Variants in FILIP1 observed in about 807,000 individuals in gnomAD.
The protein encoded by FILIP1 is filamin-A-interacting protein 1.
Under a neutral mutation model 102.1 loss-of-function variants are expected in FILIP1, and 61 were observed. The ratio of observed to expected loss-of-function variants is 0.60; its 90% CI spans 0.49 to 0.74. FILIP1 has a LOEUF of 0.74. Ranked by LOEUF, FILIP1 falls within the 30% of genes least tolerant of loss-of-function variation. The pLI is 0.00. For synonymous variants in FILIP1, 491 were observed against 526.9 expected (o/e 0.93, Z 0.93); for missense variants, 1,314 against 1,441.2 (o/e 0.91, Z 1.43).
chr6:75,472,145 T>C (rs182199361), intron 1 of FILIP1, among the ~76,000 whole-genome samples: 139 of 152,240 alleles, frequency 9.1e-4, no homozygotes, highest in African/African-American at 3.2e-3. Flanking sequence ...TTTTCATTCA[T>C]ATTACTGGAA....
intron 3 of FILIP1, among the ~76,000 whole-genome samples, chr6:75,357,745 G>T (rs1775051307): frequency 6.6e-6 from 1 of 152,246 alleles, no homozygotes; most frequent in Admixed American, 6.5e-5. Context: ...CAAAAGATCA[G>T]CTGTACCAGA....
chr6:75,383,218 C>G (rs1775960240), intron 2 of FILIP1, among the ~76,000 whole-genome samples: 3 of 152,116 alleles, frequency 2.0e-5, no homozygotes, highest in Admixed American at 2.0e-4. Context: ...AGGTGAGTAA[C>G]AAGGTAAGAT....
chr6:75,490,510 G>A (rs990341793), intron 1 of FILIP1, among the ~76,000 whole-genome samples: 6 of 151,950 alleles, frequency 3.9e-5, no homozygotes, highest in African/African-American at 9.7e-5. Flanking sequence ...TCTAATTCAC[G>A]ATCCACAAAT....
At chr6:75,466,286 C>A (rs1335661755) in intron 1 of FILIP1, among the ~76,000 whole-genome samples, 2 of 152,024 alleles carry the variant, frequency 1.3e-5, no homozygotes, top group Non-Finnish European at 2.9e-5. Flanking sequence ...CAATATTTAC[C>A]CCATGCTCCA....
intron 1 of FILIP1, among the ~76,000 whole-genome samples, chr6:75,481,579 G>A (rs1004848435): frequency 1.3e-5 from 2 of 152,052 alleles, no homozygotes; most frequent in South Asian, 2.1e-4. Context: ...TCCTCTATCC[G>A]CCTGCCAGAA....
rs118176805 is a variant in FILIP1, at chr6:75,315,857, A to C, written c.630-655T>G. 9.1e-4 allele frequency among the ~76,000 whole-genome samples: 138 copies of C among 152,348 alleles called. 1 individual carries two copies. In the East Asian group the frequency reaches 0.021, roughly 23 times the overall value. On this transcript the variant is annotated intron_variant, in intron 4 of 5. Coordinates refer to ENST00000237172, the MANE Select transcript of FILIP1 (RefSeq NM_015687.5). Reference sequence around the variant, plus strand: ...AAATGATGGTAAAGGTTCAGAAAAGAAGCAGCTTTGGGTTTTCTTATTTTA... The same window carrying C: ...AAATGATGGTAAAGGTTCAGAAAAGCAGCAGCTTTGGGTTTTCTTATTTTA...
Position 75,362,872 on chromosome 6 carries a change from G to T in FILIP1, c.322C>A (p.Pro108Thr). 1 of 1,613,886 alleles carries T rather than the reference G, an allele frequency of 6.2e-7. No homozygotes were observed. ...CCGTAATGAGCCTCCAGAACCTCAG[G>T]CTTGGTTTTCTCTGTCTTCAGCATG... Reference protein sequence around the residue: ...IHMLKTEKTKPEVLEAHYGSA... With the variant: ...IHMLKTEKTKTEVLEAHYGSA... The change falls in exon 3 of 6, where the codon CCT (proline) becomes ACT (threonine). Residue 108 changes from proline (P) to threonine (T), a missense_variant. Transcript: ENST00000237172.
In FILIP1 at chr6:75,483,146, T is replaced by C. The variant is rs1265829279; in HGVS notation, c.-7+10268A>G. Among the ~76,000 whole-genome samples, 6 of 152,346 alleles carry C rather than the reference T, an allele frequency of 3.9e-5. No individual in the cohort carries two copies. The East Asian group carries it at 9.6e-4, about 24-fold the overall frequency. ...TCTAGGTGTGAAGAAGCCTGTTCCATAGAATTTCAAACTTACAGAATCAAT... is the reference window on the plus strand; with the variant it reads ...TCTAGGTGTGAAGAAGCCTGTTCCACAGAATTTCAAACTTACAGAATCAAT... On this transcript the variant is annotated intron_variant, in intron 1 of 5. Coordinates refer to ENST00000237172, the MANE Select transcript of FILIP1 (RefSeq NM_015687.5).
At chr6:75,415,640 G>A (rs984797979) in intron 1 of FILIP1, among the ~76,000 whole-genome samples, 3 of 151,368 alleles carry the variant, frequency 2.0e-5, no homozygotes, top group African/African-American at 7.3e-5. Context: ...TTAGTGATAT[G>A]CGATTCTATT....
rs117807793 is a variant in FILIP1, at chr6:75,310,830, C to T, written c.3435+1567G>A. Among the ~76,000 whole-genome samples the T allele has an allele frequency of 5.5e-4, 84 of 152,282 alleles. 2 individuals carry two copies. In the East Asian group the frequency reaches 0.015, roughly 28 times the overall value. On this transcript the variant is annotated intron_variant, in intron 5 of 5. Transcript: ENST00000237172. ...GTGAATAATTCTGAATGCTATTTGG[C>T]TCATAAGGAGCCAATAAGTAAAAGC...
chr6:75,398,922 G>A (rs976917714), intron 2 of FILIP1: 1 of 151,988 alleles, frequency 6.6e-6, no homozygotes, highest in Non-Finnish European at 1.5e-5. Flanking sequence ...GGCCATCAAT[G>A]AAAAATGGTG....
intron 3 of FILIP1, among the ~76,000 whole-genome samples, chr6:75,358,885 G>A (rs1244977660): frequency 1.3e-5 from 2 of 151,706 alleles, no homozygotes; most frequent in South Asian, 2.1e-4. Context: ...ACCACTCCTG[G>A]CTAATTTTTT....
chr6:75,400,688 A>G (rs956592310), intron 2 of FILIP1, among the ~76,000 whole-genome samples: 3 of 152,118 alleles, frequency 2.0e-5, no homozygotes, highest in Non-Finnish European at 2.9e-5. Flanking sequence ...AGGCCCCCCA[A>G]CAGTCTGGTG....
intron 4 of FILIP1, among the ~76,000 whole-genome samples, chr6:75,348,034 T>A (rs935319181): frequency 1.3e-5 from 2 of 150,532 alleles, no homozygotes; most frequent in Non-Finnish European, 3.0e-5. Context: ...CAGTGATAGA[T>A]CTAGACAGCA....
At chr6:75,471,159 C>CAAAAAAAAAAAA (rs67671264) in intron 1 of FILIP1, among the ~76,000 whole-genome samples, 1 of 72,294 alleles carries the variant, frequency 1.4e-5, no homozygotes, top group Non-Finnish European at 2.6e-5. Context: ...GACCTTGTCT[C>CAAAAAAAAAAAA]AAAAAAAAAA....
At chr6:75,319,390 A>C in intron 4 of FILIP1, 1 of 627,194 alleles carries the variant, frequency 1.6e-6, no homozygotes, top group South Asian at 1.4e-5. Flanking sequence ...GGTGCCCTGG[A>C]GTCCTTGAAC....
chr6:75,319,680 A>C, intron 4 of FILIP1: 1 of 340,174 alleles, frequency 2.9e-6, no homozygotes. Context: ...AATACAAAAA[A>C]TTAGCCGGGC....
chr6:75,342,412 G>A (rs920172289), intron 4 of FILIP1, among the ~76,000 whole-genome samples: 6 of 152,322 alleles, frequency 3.9e-5, no homozygotes, highest in South Asian at 2.1e-4. Flanking sequence ...TCACACTCAC[G>A]TGTGCAAGAA....
rs1359243678 is a variant in FILIP1 at position 75,313,004 on chromosome 6, G to T, written c.2828C>A (p.Pro943His). The part of the protein sequence containing the change: ...EEFFSSTTVI[P>H]TLGNQKPRIT... ...TCTTGGTTTCTGATTCCCTAAGGTA[G>T]GAATGACAGTGGTACTAGAAAAAAA... The change falls in exon 5 of 6, where the codon CCT becomes CAT. Residue 943 changes from proline to histidine, a missense_variant. Transcript: ENST00000237172. This position sits in a 1 kb window ranked among gnomAD's most constrained non-coding sequence, Gnocchi z 4.2. 1 of 1,614,128 alleles carries T rather than the reference G, an allele frequency of 6.2e-7. No homozygotes were observed. Among genetic ancestry groups the T allele is most frequent in the Admixed American group, 1.7e-5 (1 of 60,024 alleles).
Sources: gnomAD v4.1 joint callset for allele counts (sites outside exome capture counted in the v4.1 genomes callset) on GRCh38, gnomAD v4.1.1 for gene constraint, Gnocchi (gnomAD v3.1) non-coding constraint, MANE v1.5 for transcripts, NCBI Gene and HGNC (gene_info 2026-07-23, HGNC 2026-07-21) for gene names.